Variants in ZNF573 observed in about 807,000 individuals in gnomAD.
The protein encoded by ZNF573 is zinc finger protein 573.
In ZNF573, 41 loss-of-function variants were observed where a neutral mutation model predicts 57.4. The ratio of observed to expected loss-of-function variants is 0.71; its 90% confidence interval spans 0.56 to 0.93. The LOEUF is 0.93. ZNF573 is among the 40% of genes least tolerant of loss of function. The pLI is 0.00. For missense variants in ZNF573, 730 were observed against 794.8 expected (o/e 0.92, Z 0.98); for synonymous variants, 249 against 261.0 (o/e 0.95, Z 0.44).
intron 4 of ZNF573, among the ~76,000 whole-genome samples, chr19:37,765,498 G>A (rs553413191): frequency 6.6e-6 from 1 of 151,992 alleles, no homozygotes; most frequent in Non-Finnish European, 1.5e-5. Context: ...ATCACGGGAG[G>A]TCGGGAGTTC....
chr19:37,759,204 A>G, intron 4 of ZNF573: 2 of 587,758 alleles, frequency 3.4e-6, no homozygotes, highest in South Asian at 7.6e-5. Context: ...ATTACATATT[A>G]TAGAATTATG....
intron 4 of ZNF573, among the ~76,000 whole-genome samples, chr19:37,767,595 G>C (rs573004878): frequency 6.6e-6 from 1 of 152,184 alleles, no homozygotes; most frequent in Admixed American, 6.5e-5. Context: ...CGCTTTGCTG[G>C]CTCTCTGAAA....
intron 4 of ZNF573, among the ~76,000 whole-genome samples, chr19:37,752,874 A>G (rs1382703687): frequency 2.0e-5 from 3 of 152,138 alleles, no homozygotes; most frequent in African/African-American, 2.4e-5. Context: ...GGCTCAAGCA[A>G]TTCTCCTGTC....
chr19:37,744,660 G>C (rs995707158), intron 4 of ZNF573, among the ~76,000 whole-genome samples: 1 of 146,760 alleles, frequency 6.8e-6, no homozygotes, highest in East Asian at 2.0e-4. Flanking sequence ...AGAATTTCTA[G>C]AGCCTAGGCG....
Position 37,771,708 on chromosome 19 carries a change from T to C in ZNF573, c.70-12A>G, listed in dbSNP as rs749059810. On this transcript the variant is annotated splice_polypyrimidine_tract_variant and intron_variant, in intron 2 of 4. Transcript: ENST00000536220. ...ACTAATTCCTGAAACTGCAAACCCATGCATTACAAAATTTTAAAAACATTT... is the reference window on the plus strand; with the variant it reads ...ACTAATTCCTGAAACTGCAAACCCACGCATTACAAAATTTTAAAAACATTT... The C allele has an allele frequency of 1.5e-5, 24 of 1,583,690 alleles. No individual in the cohort carries two copies. The highest frequency in any genetic ancestry group is 1.8e-5 in the Non-Finnish European group (21 of 1,171,848).
At chr19:37,742,589 C>A (rs1006819462) in intron 4 of ZNF573, among the ~76,000 whole-genome samples, 1 of 152,102 alleles carries the variant, frequency 6.6e-6, no homozygotes, top group Admixed American at 6.5e-5. Context: ...GGATCTCCTA[C>A]TCAGTAAATG....
intron 4 of ZNF573, among the ~76,000 whole-genome samples, chr19:37,759,804 T>C (rs997191344): frequency 6.6e-6 from 1 of 151,924 alleles, no homozygotes; most frequent in Non-Finnish European, 1.5e-5. Flanking sequence ...GAACTTACGT[T>C]GTTGGTTTCT....
rs1392399962 is a variant in ZNF573, at chr19:37,739,987, C to G, written c.503G>C (p.Gly168Ala). 6.2e-7 allele frequency: 1 copy of G among 1,614,080 alleles called. No homozygotes were observed. Among genetic ancestry groups the G allele is most frequent in the Non-Finnish European group, 8.5e-7 (1 of 1,179,994 alleles). The change falls in exon 5 of 5, where the codon GGG becomes GCG. Residue 168 changes from glycine (G) to alanine (A), a missense_variant. By Grantham distance (60) the Gly-to-Ala change is moderately conservative. Coordinates refer to ENST00000536220, the MANE Select transcript of ZNF573 (RefSeq NM_001172690.2). ...IERPYECKEC[G>A]KNFRSGYQLT... ...TTGATAGCCACTACGAAAGTTCTTC[C>G]CACACTCTTTGCATTCATAGGGTCT...
intron 4 of ZNF573, among the ~76,000 whole-genome samples, chr19:37,741,041 C>G (rs116221219): frequency 3.9e-5 from 6 of 152,136 alleles, no homozygotes; most frequent in Non-Finnish European, 8.8e-5. Flanking sequence ...GAGTGCAGAA[C>G]CCATAGATAC....
At chr19:37,761,487 T>C (rs2045552786) in intron 4 of ZNF573, among the ~76,000 whole-genome samples, 1 of 152,150 alleles carries the variant, frequency 6.6e-6, no homozygotes, top group Non-Finnish European at 1.5e-5. Flanking sequence ...CAGAACCCCT[T>C]GTCCCCAGAG....
chr19:37,769,727 GAAAAAAAAAAAA>G (rs397944905), intron 4 of ZNF573, among the ~76,000 whole-genome samples: 4 of 55,222 alleles, frequency 7.2e-5, no homozygotes, highest in Admixed American at 2.2e-4. Flanking sequence ...CTCTGTCTCG[GAAAAAAAAAAAA>G]AAAAAAAAAA....
At chr19:37,763,495 G>A (rs1344725059) in intron 4 of ZNF573, among the ~76,000 whole-genome samples, 4 of 151,736 alleles carry the variant, frequency 2.6e-5, no homozygotes, top group African/African-American at 9.7e-5. Context: ...AAACCAGAAG[G>A]CAGAGGTTGC....
intron 2 of ZNF573, among the ~76,000 whole-genome samples, chr19:37,772,393 A>G (rs550350534): frequency 3.2e-4 from 49 of 151,944 alleles, no homozygotes; most frequent in South Asian, 8.3e-4. Context: ...TCAGCCTCCC[A>G]AAGTGCTGGG....
rs146360251 is a variant in ZNF573 at position 37,739,124 on chromosome 19, T to C, written c.1366A>G (p.Asn456Asp). 5.8e-5 allele frequency: 93 copies of C among 1,613,274 alleles called. No individual in the cohort carries two copies. The African/African-American group carries it at 1.1e-3, about 18-fold the overall frequency. The change falls in exon 5 of 5, where the codon AAT (asparagine) becomes GAT (aspartate). Residue 456 changes from asparagine (N) to aspartate (D), a missense_variant. Coordinates refer to ENST00000536220, the MANE Select transcript of ZNF573 (RefSeq NM_001172690.2). ...TGAATATTCTGATGTCGAGTAAGAT[T>C]TCTATACAAAGTAAAGGTTTTTTTA... ...ECKKTFTLYR[N>D]LTRHQNIHTG...
chr19:37,745,489 G>A (rs1202385917), intron 4 of ZNF573, among the ~76,000 whole-genome samples: 3 of 151,982 alleles, frequency 2.0e-5, no homozygotes, highest in East Asian at 1.9e-4. Flanking sequence ...TCTGCCTCCC[G>A]GGTTCAACGG....
chr19:37,770,129 A>G, intron 3 of ZNF573, 32 bp from the exon 4 acceptor site: 1 of 1,479,922 alleles, frequency 6.8e-7, no homozygotes, highest in Non-Finnish European at 9.1e-7. Flanking sequence ...CATGGTATAA[A>G]AATAAAAACA....
intron 4 of ZNF573, among the ~76,000 whole-genome samples, chr19:37,754,630 A>G (rs1296828752): frequency 6.6e-6 from 1 of 151,808 alleles, no homozygotes; most frequent in African/African-American, 2.4e-5. Context: ...TTTTGCTTGC[A>G]TTCCAGAAAA....
In ZNF573 at chr19:37,771,698, TG is replaced by T; in HGVS notation, c.70-3del. 6.3e-7 allele frequency: 1 copy of T among 1,590,326 alleles called. No individual in the cohort carries two copies. Among genetic ancestry groups the T allele is most frequent in the Non-Finnish European group, 8.5e-7 (1 of 1,173,628 alleles). On this transcript the variant is annotated splice_polypyrimidine_tract_variant and splice_region_variant and intron_variant, in intron 2 of 4. Coordinates refer to ENST00000536220, the MANE Select transcript of ZNF573 (RefSeq NM_001172690.2). ...CCTGAATGTCACTAATTCCTGAAAC[TG>T]CAAACCCATGCATTACAAAATTTTA...
At chr19:37,763,542 C>A (rs770982572) in intron 4 of ZNF573, among the ~76,000 whole-genome samples, 1 of 150,760 alleles carries the variant, frequency 6.6e-6, no homozygotes, top group Non-Finnish European at 1.5e-5. Flanking sequence ...CCAGCCTGGG[C>A]GACAGAGTGA....
Sources: allele counts gnomAD v4.1 joint callset (sites outside exome capture counted in the v4.1 genomes callset), GRCh38; gene constraint gnomAD v4.1.1; transcripts MANE v1.5; gene names NCBI Gene and HGNC (gene_info 2026-07-23, HGNC 2026-07-21).